SGCG: variants seen among roughly 807,000 people sequenced by gnomAD.
SGCG encodes sarcoglycan gamma.
SGCG carries 26 observed loss-of-function variants against 29.3 expected under a neutral mutation model. The ratio of observed to expected loss-of-function variants is 0.89; its 90% confidence interval spans 0.65 to 1.23. The LOEUF (loss-of-function observed/expected upper bound fraction) is 1.23, where lower values mean the gene tolerates loss of function less well. Ranked by LOEUF, SGCG falls within the 50% of genes most tolerant of loss-of-function variation. SGCG has a pLI of 0.00. For synonymous variants in SGCG, 145 were observed against 129.7 expected (o/e 1.12, Z -0.80); for missense variants, 353 against 356.0 (o/e 0.99, Z 0.07).
At chr13:23,300,339 A>G (rs1882104026) in intron 6 of SGCG, among the ~76,000 whole-genome samples, 1 of 152,224 alleles carries the variant, frequency 6.6e-6, no homozygotes, top group African/African-American at 2.4e-5. Flanking sequence ...AGAGTAGAGG[A>G]AGAGTTAAGC....
chr13:23,216,119 C>A (rs1173884140), intron 2 of SGCG, among the ~76,000 whole-genome samples: 2 of 152,170 alleles, frequency 1.3e-5, no homozygotes, highest in Non-Finnish European at 2.9e-5. Context: ...CTAAAACTCT[C>A]TCAAGATGCA....
intron 4 of SGCG, among the ~76,000 whole-genome samples, chr13:23,254,093 A>C (rs997707724): frequency 6.6e-6 from 1 of 152,208 alleles, no homozygotes; most frequent in African/African-American, 2.4e-5. Flanking sequence ...CTGAGGAGTG[A>C]GCCATTGCTA....
intron 4 of SGCG, among the ~76,000 whole-genome samples, chr13:23,252,694 AAAAAC>A (rs1176772840): frequency 1.3e-5 from 2 of 148,330 alleles, no homozygotes; most frequent in Admixed American, 6.6e-5. Context: ...GTGTCTCAAA[AAAAAC>A]AAAACAAAAC....
chr13:23,233,150 T>A (rs1393454219), intron 2 of SGCG, among the ~76,000 whole-genome samples: 3 of 152,104 alleles, frequency 2.0e-5, no homozygotes, highest in East Asian at 1.9e-4. Flanking sequence ...ATGCCCAAAA[T>A]GTGGAAGCAA....
At chr13:23,234,422 T>G (rs1327742571) in intron 2 of SGCG, among the ~76,000 whole-genome samples, 189 bp from the exon 3 acceptor site, 1 of 152,218 alleles carries the variant, frequency 6.6e-6, no homozygotes, top group East Asian at 1.9e-4. Flanking sequence ...AAGAGCTCTT[T>G]GTATTTATAC....
rs552388060 is a variant in SGCG, at chr13:23,304,008, G to A, written c.578+8521G>A. On this transcript the variant is annotated intron_variant, in intron 6 of 7. Coordinates refer to ENST00000218867, the MANE Select transcript of SGCG (RefSeq NM_000231.3). ...TTTACATTTCTCTTAATATGAGTGAGGTGGAGCAACTTTTCATATGTTTAA... is the reference window on the plus strand; with the variant it reads ...TTTACATTTCTCTTAATATGAGTGAAGTGGAGCAACTTTTCATATGTTTAA... 8.5e-4 allele frequency among the ~76,000 whole-genome samples: 129 copies of A among 152,182 alleles called. 1 individual carries two copies. The highest frequency in any genetic ancestry group is 6.8e-3 in the Middle Eastern group (2 of 292).
intron 6 of SGCG, 109 bp downstream of exon 6, chr13:23,295,596 G>C (rs1566035754): frequency 4.8e-6 from 4 of 829,738 alleles, no homozygotes. Flanking sequence ...TATTTCATCA[G>C]TTGCCTTTAT....
intron 3 of SGCG, among the ~76,000 whole-genome samples, chr13:23,242,644 C>T (rs1356152693): frequency 6.6e-6 from 1 of 151,940 alleles, no homozygotes; most frequent in African/African-American, 2.4e-5. Flanking sequence ...CTCTAAATGG[C>T]GTAAAATTTT....
chr13:23,214,550 C>A (rs1300975369), intron 2 of SGCG, among the ~76,000 whole-genome samples: 1 of 152,228 alleles, frequency 6.6e-6, no homozygotes, highest in Non-Finnish European at 1.5e-5. Context: ...CATTTTACCA[C>A]TGGTCTTCCA....
At chr13:23,161,105 C>A in the SGCG span, among the ~76,000 whole-genome samples, 52 of 152,196 alleles carry the variant, frequency 3.4e-4, no homozygotes, top group East Asian at 0.01. Context: ...TGCAAAGTTG[C>A]GTAGGGGTTA....
chr13:23,315,050 G>T (rs139650348), intron 6 of SGCG, among the ~76,000 whole-genome samples: 267 of 152,358 alleles, frequency 1.8e-3, no homozygotes, highest in Non-Finnish European at 3.2e-3. Context: ...ATCCAATGGT[G>T]CTTGAGGTGT....
At position 23,216,701 on chromosome 13, in the gene SGCG, A is replaced by T. The variant is rs1163948352; in HGVS notation, c.195+12812A>T. Among the ~76,000 whole-genome samples, 3 of 152,102 alleles carry T rather than the reference A, an allele frequency of 2.0e-5. No individual in the cohort carries two copies. The South Asian group carries it at 6.2e-4, about 32-fold the overall frequency. The stretch of plus-strand genomic sequence containing the variant: ...AGGTATATATACATTGTTGTCTAAC[A>T]TTGACTTTTCTTTGTATGTAAAATG... On this transcript the variant is annotated intron_variant, in intron 2 of 7. Coordinates refer to ENST00000218867, the MANE Select transcript of SGCG (RefSeq NM_000231.3).
rs558276765 is a variant in SGCG, at chr13:23,206,094, T to C, written c.195+2205T>C. 7.2e-5 allele frequency among the ~76,000 whole-genome samples: 11 copies of C among 152,366 alleles called. 1 individual carries two copies. The highest frequency in any genetic ancestry group is 2.6e-4 in the African/African-American group (11 of 41,594). ...TGAAACAGTAAATTGTAAATTAACG[T>C]ATGCTTTAATTCTTACTGATTTGAA... On this transcript the variant is annotated intron_variant, in intron 2 of 7. Coordinates refer to ENST00000218867, the MANE Select transcript of SGCG (RefSeq NM_000231.3).
chr13:23,322,775 C>CCCCCCCCCCCCCCCCCCCA (rs1883095791), intron 7 of SGCG, among the ~76,000 whole-genome samples: 1 of 36,538 alleles, frequency 2.7e-5, no homozygotes, highest in Admixed American at 2.1e-4. Flanking sequence ...TCCACCTCCC[C>CCCCCCCCCCCCCCCCCCCA]CCCCCCCCCC....
intron 6 of SGCG, among the ~76,000 whole-genome samples, chr13:23,303,390 C>T (rs1379529626): frequency 6.6e-6 from 1 of 152,194 alleles, no homozygotes; most frequent in African/African-American, 2.4e-5. Flanking sequence ...CTGGATAGCA[C>T]GAAGTGCAAA....
the SGCG span, among the ~76,000 whole-genome samples, chr13:23,161,208 TATACTC>T: frequency 6.6e-6 from 1 of 152,230 alleles, no homozygotes; most frequent in Non-Finnish European, 1.5e-5. Context: ...TCACCACCCT[TATACTC>T]ATTACCTCCA....
intron 6 of SGCG, among the ~76,000 whole-genome samples, chr13:23,303,212 G>A (rs1429229568): frequency 6.6e-6 from 1 of 152,136 alleles, no homozygotes; most frequent in Non-Finnish European, 1.5e-5. Context: ...AGTGGGAGAA[G>A]GAGATTGTTA....
At chr13:23,224,700 C>A (rs1483963714) in intron 2 of SGCG, among the ~76,000 whole-genome samples, 1 of 149,794 alleles carries the variant, frequency 6.7e-6, no homozygotes, top group Non-Finnish European at 1.5e-5. Flanking sequence ...AGTGCAAGCA[C>A]TGCTAACTAG....
intron 1 of SGCG, among the ~76,000 whole-genome samples, chr13:23,192,915 A>G (rs1565994237): frequency 6.6e-6 from 1 of 152,204 alleles, no homozygotes; most frequent in East Asian, 1.9e-4. Context: ...CCAGTTATAT[A>G]ATAAGCAAAC....
Sources: gnomAD v4.1 joint callset for allele counts (sites outside exome capture counted in the v4.1 genomes callset) on GRCh38, gnomAD v4.1.1 for gene constraint, MANE v1.5 for transcripts, NCBI Gene and HGNC (gene_info 2026-07-23, HGNC 2026-07-21) for gene names.